ASAP1: variants seen among roughly 807,000 people sequenced by gnomAD.
The protein encoded by ASAP1 is arf-GAP with SH3 domain, ANK repeat and PH domain-containing protein 1.
A neutral mutation model predicts 145.2 loss-of-function variants in ASAP1; 43 were observed. That is an observed-to-expected ratio of 0.30 (90% CI 0.23 to 0.38). The LOEUF (loss-of-function observed/expected upper bound fraction) is 0.38, where lower values mean the gene tolerates loss of function less well. ASAP1 is among the 10% of genes least tolerant of loss of function. The pLI is 1.00. For missense variants in ASAP1, 1,018 were observed against 1,355.3 expected (o/e 0.75, Z 3.91); for synonymous variants, 546 against 515.5 (o/e 1.06, Z -0.80).
intron 12 of ASAP1, among the ~76,000 whole-genome samples, chr8:130,158,386 G>A (rs2097662263): frequency 6.6e-6 from 1 of 151,510 alleles, no homozygotes; most frequent in African/African-American, 2.4e-5. Context: ...ATGGTGGCAT[G>A]TGCCTATAGT....
At chr8:130,273,577 A>C (rs1820708525) in intron 3 of ASAP1, among the ~76,000 whole-genome samples, 1 of 152,206 alleles carries the variant, frequency 6.6e-6, no homozygotes, top group Non-Finnish European at 1.5e-5. Flanking sequence ...ATTAAGGAGG[A>C]GCTCACAGGA....
chr8:130,334,700 C>T (rs1339998942), intron 3 of ASAP1, among the ~76,000 whole-genome samples: 1 of 152,184 alleles, frequency 6.6e-6, no homozygotes, highest in Non-Finnish European at 1.5e-5. Flanking sequence ...TTTCCTGTTT[C>T]TTTCACACTT....
rs1465642942 is a variant in ASAP1 at position 130,358,736 on chromosome 8, G to T, written c.60-593C>A. On this transcript the variant is annotated intron_variant, in intron 2 of 29. Transcript: ENST00000518721. This position sits in a 1 kb window ranked among gnomAD's most constrained non-coding sequence, Gnocchi z 4.1. The stretch of plus-strand genomic sequence containing the variant: ...CCTCCCCGCCCGCGCCCCGCCCCCG[G>T]CCCGGCCCCCGCCCCGCCCCGCCCC... Among the ~76,000 whole-genome samples the T allele has an allele frequency of 3.5e-5, 2 of 57,808 alleles. No homozygotes were observed. Among genetic ancestry groups the T allele is most frequent in the African/African-American group, 6.7e-5 (1 of 14,962 alleles). 37.9% of individuals were successfully genotyped at this position (57,808 alleles called of 152,430 possible).
intron 3 of ASAP1, among the ~76,000 whole-genome samples, chr8:130,283,587 G>GAAAAAAAAAAAAAAAA (rs71304303): frequency 1.6e-3 from 34 of 20,864 alleles, no homozygotes; most frequent in African/African-American, 5.8e-3. Flanking sequence ...ATCACAGAAA[G>GAAAAAAAAAAAAAAAA]AAAAAAAAAA....
intron 5 of ASAP1, among the ~76,000 whole-genome samples, chr8:130,192,975 C>T (rs907254722): frequency 6.6e-6 from 1 of 152,042 alleles, no homozygotes; most frequent in African/African-American, 2.4e-5. Context: ...CCAAAAAAAA[C>T]GAGAAAGCTC....
rs781241038 is a variant in ASAP1, at chr8:130,139,546, C to CTT, written c.1081-2509_1081-2508insAA. Among the ~76,000 whole-genome samples, 454 of 152,058 alleles carry CTT rather than the reference C, an allele frequency of 3.0e-3. 2 individuals are homozygous for CTT. Among genetic ancestry groups the CTT allele is most frequent in the Non-Finnish European group, 5.1e-3 (348 of 67,946 alleles). ...TTCAAGACCAGCCTGGCCAACGTGG[C>CTT]GAAACCCCGTTGTCTCTACTGAAAA... On this transcript the variant is annotated intron_variant, in intron 13 of 29. Coordinates refer to ENST00000518721, the MANE Select transcript of ASAP1 (RefSeq NM_018482.4).
At chr8:130,142,717 G>T (rs2135874559) in intron 13 of ASAP1, among the ~76,000 whole-genome samples, 1 of 152,328 alleles carries the variant, frequency 6.6e-6, no homozygotes, top group South Asian at 2.1e-4. Flanking sequence ...AGGTCCAAAG[G>T]CCTGGGGCAT....
chr8:130,386,312 TCTTG>T (rs1478340434), intron 2 of ASAP1, among the ~76,000 whole-genome samples: 3 of 152,178 alleles, frequency 2.0e-5, no homozygotes, highest in African/African-American at 7.2e-5. Context: ...TACATTCCCT[TCTTG>T]CTTAAGGCAA....
intron 3 of ASAP1, among the ~76,000 whole-genome samples, chr8:130,357,460 C>T (rs1195352949): frequency 6.6e-6 from 1 of 152,240 alleles, no homozygotes; most frequent in African/African-American, 2.4e-5. Flanking sequence ...GCTTCAGGCA[C>T]CAGAGACTAA....
At chr8:130,243,696 T>C (rs1417282937) in intron 3 of ASAP1, among the ~76,000 whole-genome samples, 1 of 152,188 alleles carries the variant, frequency 6.6e-6, no homozygotes, top group Non-Finnish European at 1.5e-5. Flanking sequence ...CTTAAAACTC[T>C]CTTCGCCTAA....
intron 3 of ASAP1, among the ~76,000 whole-genome samples, chr8:130,329,737 C>T (rs1021850510): frequency 2.0e-5 from 3 of 152,176 alleles, no homozygotes; most frequent in Admixed American, 6.5e-5. Context: ...CACACAGATG[C>T]ATTACTTCCA....
At chr8:130,101,976 G>T (rs1430221992) in intron 24 of ASAP1, among the ~76,000 whole-genome samples, 8 of 151,920 alleles carry the variant, frequency 5.3e-5, no homozygotes, top group Non-Finnish European at 1.5e-5. Flanking sequence ...TTATTCATCA[G>T]TTCTAAATGT....
chr8:130,186,839 A>G (rs1338848736), intron 7 of ASAP1, among the ~76,000 whole-genome samples: 1 of 152,184 alleles, frequency 6.6e-6, no homozygotes, highest in Non-Finnish European at 1.5e-5. Context: ...ACGTCCTGGC[A>G]GGCACCAAGA....
At chr8:130,064,892 AAT>A (rs1491115601) in intron 27 of ASAP1, among the ~76,000 whole-genome samples, 3 of 105,938 alleles carry the variant, frequency 2.8e-5, no homozygotes, top group African/African-American at 4.0e-5. Flanking sequence ...GTTTACTAAG[AAT>A]GTGTGTGTGT....
intron 3 of ASAP1, among the ~76,000 whole-genome samples, chr8:130,286,365 T>A (rs974689321): frequency 6.7e-6 from 1 of 149,586 alleles, no homozygotes; most frequent in Non-Finnish European, 1.5e-5. Flanking sequence ...TCTCACTGCG[T>A]ATATGACATT....
intron 3 of ASAP1, among the ~76,000 whole-genome samples, chr8:130,298,733 T>C (rs1393360516): frequency 6.6e-6 from 1 of 152,166 alleles, no homozygotes; most frequent in African/African-American, 2.4e-5. Context: ...CCCACCTCTA[T>C]CCCTCTGATC....
intron 5 of ASAP1, among the ~76,000 whole-genome samples, chr8:130,212,152 T>C (rs1369220206): frequency 6.6e-6 from 1 of 152,220 alleles, no homozygotes; most frequent in Non-Finnish European, 1.5e-5. Context: ...TCAAGTTGTG[T>C]AAACTCCTGG....
At chr8:130,137,106 T>C in intron 13 of ASAP1, 68 bp from the exon 14 acceptor site, 2 of 1,326,138 alleles carry the variant, frequency 1.5e-6, no homozygotes, top group East Asian at 4.6e-5. Context: ...TTCAGTGCCC[T>C]GTAGGGCAGG....
chr8:130,180,604 A>C, intron 8 of ASAP1, 147 bp downstream of exon 8: 1 of 1,072,260 alleles, frequency 9.3e-7, no homozygotes, highest in Non-Finnish European at 1.3e-6. Flanking sequence ...AAAGGCTTGG[A>C]GAAAAATGGA....
Sources: allele counts gnomAD v4.1 joint callset (sites outside exome capture counted in the v4.1 genomes callset), GRCh38; gene constraint gnomAD v4.1.1; non-coding constraint Gnocchi (gnomAD v3.1); transcripts MANE v1.5; gene names NCBI Gene and HGNC (gene_info 2026-07-23, HGNC 2026-07-21).